MIA2: variants seen among roughly 807,000 people sequenced by gnomAD.
MIA2 encodes melanoma inhibitory activity protein 2.
MIA2 carries 127 observed loss-of-function variants against 167.8 expected under a neutral mutation model. The observed-to-expected ratio is 0.76, with a 90% CI of 0.66 to 0.88. MIA2 has a LOEUF of 0.88. Ranked by LOEUF, MIA2 falls within the 40% of genes least tolerant of loss-of-function variation. MIA2 has a pLI of 0.00. For missense variants in MIA2, 1,690 were observed against 1,624.7 expected, an observed-to-expected ratio of 1.04 and a Z score of -0.69; for synonymous variants, 552 against 541.9, an observed-to-expected ratio of 1.02 and a Z score of -0.26.
At chr14:39,369,085 T>G (rs1000026155) in intron 23 of MIA2, among the ~76,000 whole-genome samples, 5 of 152,232 alleles carry the variant, frequency 3.3e-5, no homozygotes, top group African/African-American at 1.2e-4. Context: ...CATATTTTTT[T>G]AAATGTAAGA....
intron 23 of MIA2, among the ~76,000 whole-genome samples, chr14:39,360,697 T>C (rs1295011065): frequency 1.3e-5 from 2 of 152,212 alleles, no homozygotes; most frequent in Non-Finnish European, 2.9e-5. Flanking sequence ...TTTTGTTACC[T>C]GTGCTTTTGA....
At chr14:39,297,790 C>T (rs2061646688) in intron 13 of MIA2, among the ~76,000 whole-genome samples, 1 of 151,890 alleles carries the variant, frequency 6.6e-6, no homozygotes, top group Admixed American at 6.6e-5. Flanking sequence ...GGCTTTCCAA[C>T]TGCTTTTTAT....
intron 23 of MIA2, among the ~76,000 whole-genome samples, chr14:39,359,570 G>C (rs1174244365): frequency 6.6e-6 from 1 of 152,114 alleles, no homozygotes; most frequent in Non-Finnish European, 1.5e-5. Context: ...TGCACCCACT[G>C]TCCGACAATC....
At chr14:39,264,147 T>C (rs1395507171) in intron 6 of MIA2, among the ~76,000 whole-genome samples, 4 of 152,222 alleles carry the variant, frequency 2.6e-5, no homozygotes, top group Admixed American at 6.5e-5. Context: ...CTCATCTTTA[T>C]GTCTGTACGT....
Position 39,313,376 on chromosome 14 carries a change from A to G in MIA2, c.3054A>G (p.Lys1018=). ...LTVEENYRLE[K]EEKLSKVDEK... ...TAGAGGAAAATTATCGGTTAGAGAA[A>G]GAAGAGAAACTTTCTAAAGTAGATG... Residue 1018 remains lysine (K), a synonymous_variant, in exon 19 of 29, where the codon AAA becomes AAG. Transcript: ENST00000640607. The G allele has an allele frequency of 6.2e-7, 1 of 1,603,346 alleles. No homozygotes were observed. The highest frequency in any genetic ancestry group is 8.5e-7 in the Non-Finnish European group (1 of 1,174,814).
At chr14:39,243,640 T>C (rs2054161165) in intron 3 of MIA2, among the ~76,000 whole-genome samples, 1 of 152,078 alleles carries the variant, frequency 6.6e-6, no homozygotes, top group African/African-American at 2.4e-5. Flanking sequence ...CCAAGGCAGG[T>C]GGATCATCTG....
downstream of MIA2, among the ~76,000 whole-genome samples, chr14:39,355,097 G>A (rs560910706): frequency 2.7e-3 from 403 of 151,014 alleles, 1 homozygote; most frequent in African/African-American, 4.8e-3. Context: ...TGTGAAGAAA[G>A]TCATTGGTAG....
downstream of MIA2, among the ~76,000 whole-genome samples, chr14:39,353,088 T>C (rs1262687349): frequency 2.6e-5 from 4 of 152,254 alleles, no homozygotes; most frequent in East Asian, 3.9e-4. Flanking sequence ...TTTTACGTAT[T>C]AGTGAGGTAC....
chr14:39,355,474 G>A (rs2074498138), downstream of MIA2, among the ~76,000 whole-genome samples: 1 of 152,114 alleles, frequency 6.6e-6, no homozygotes, highest in Non-Finnish European at 1.5e-5. Flanking sequence ...GGGTTTTCTA[G>A]ATATACAATC....
rs372704567 is a variant in MIA2, at chr14:39,376,152, C to A, written c.2249-10733C>A. ...TATTTTTAGTAGAGATGGGGTTTTG[C>A]CATGTTGTCCAGGCTGGTCTCAAAC... On this transcript the variant is annotated intron_variant, in intron 23 of 23. Transcript: ENST00000341502. Among the ~76,000 whole-genome samples, 11 of 152,124 alleles carry A rather than the reference C, an allele frequency of 7.2e-5. No homozygotes were observed. In the East Asian group the frequency reaches 1.2e-3, roughly 16 times the overall value.
At chr14:39,360,494 C>T (rs1240252606) in intron 23 of MIA2, among the ~76,000 whole-genome samples, 4 of 150,034 alleles carry the variant, frequency 2.7e-5, no homozygotes, top group Admixed American at 1.3e-4. Context: ...TTGTTGTTGT[C>T]TTTTGTTCTT....
chr14:39,257,296 T>C (rs537785318), intron 6 of MIA2, among the ~76,000 whole-genome samples: 1 of 152,344 alleles, frequency 6.6e-6, no homozygotes, highest in South Asian at 2.1e-4. Context: ...ATATTTAGGA[T>C]AGTTAGCTCT....
At chr14:39,240,110 C>T (rs894737992) in intron 2 of MIA2, among the ~76,000 whole-genome samples, 1 of 152,144 alleles carries the variant, frequency 6.6e-6, no homozygotes, top group African/African-American at 2.4e-5. Flanking sequence ...CATGATGAAT[C>T]CATTTGTGGC....
chr14:39,312,855 T>A (rs189683123), intron 18 of MIA2, among the ~76,000 whole-genome samples: 25 of 150,170 alleles, frequency 1.7e-4, no homozygotes, highest in Non-Finnish European at 2.8e-4. Context: ...CTGCTACTAC[T>A]ACTGTTTACT....
At chr14:39,360,926 A>G (rs991449782) in intron 23 of MIA2, among the ~76,000 whole-genome samples, 1 of 152,126 alleles carries the variant, frequency 6.6e-6, no homozygotes, top group African/African-American at 2.4e-5. Context: ...CCTCCAATGT[A>G]TGTTCTTGGA....
intron 18 of MIA2, 38 bp from the exon 19 acceptor site, chr14:39,313,302 C>A: frequency 9.6e-7 from 1 of 1,038,020 alleles, no homozygotes; most frequent in Non-Finnish European, 1.4e-6. Context: ...TATCTTTTGA[C>A]ATGTATTAAG....
chr14:39,275,712 A>G (rs962962300), intron 6 of MIA2, among the ~76,000 whole-genome samples: 11 of 152,192 alleles, frequency 7.2e-5, no homozygotes, highest in Non-Finnish European at 1.5e-4. Flanking sequence ...GGTATTGTGT[A>G]TTGAATGCCT....
chr14:39,315,606 A>G (rs1208802801), intron 20 of MIA2, 77 bp from the exon 21 acceptor site: 2 of 1,129,540 alleles, frequency 1.8e-6, no homozygotes, highest in Non-Finnish European at 1.3e-6. Context: ...TGTGCACTAC[A>G]TCATAGTGGT....
chr14:39,286,122 G>A (rs1482161633), intron 9 of MIA2, among the ~76,000 whole-genome samples: 4 of 152,120 alleles, frequency 2.6e-5, no homozygotes, highest in Non-Finnish European at 5.9e-5. Context: ...GTAGCTAGCC[G>A]AGATCACACC....
Sources: allele counts gnomAD v4.1 joint callset (sites outside exome capture counted in the v4.1 genomes callset), GRCh38; gene constraint gnomAD v4.1.1; transcripts MANE v1.5; gene names NCBI Gene and HGNC (gene_info 2026-07-23, HGNC 2026-07-21).